The following SRPK2 variants were observed in gnomAD, a reference collection of about 807,000 sequenced individuals.
The protein encoded by SRPK2 is SFRS protein kinase 2.
A neutral mutation model predicts 90.8 loss-of-function variants in SRPK2; 21 were observed. That is an observed-to-expected ratio of 0.23 (90% CI 0.16 to 0.33). SRPK2 has a LOEUF of 0.33. Among genes scored for constraint, SRPK2 ranks in the 10% least tolerant of loss-of-function variants. The probability of loss-of-function intolerance (pLI) is 1.00; values close to 1 mark genes in which losing one functional copy is unlikely to be tolerated. For synonymous variants in SRPK2, 288 were observed against 311.1 expected, an observed-to-expected ratio of 0.93 and a Z score of 0.78; for missense variants, 620 against 869.0, an observed-to-expected ratio of 0.71 and a Z score of 3.60.
At chr7:105,344,296 T>A (rs1038346357) in intron 2 of SRPK2, among the ~76,000 whole-genome samples, 1 of 151,766 alleles carries the variant, frequency 6.6e-6, no homozygotes, top group Non-Finnish European at 1.5e-5. Flanking sequence ...ACATAGAATT[T>A]TTTTTTTCTT....
intron 2 of SRPK2, among the ~76,000 whole-genome samples, chr7:105,221,741 CT>C (rs1795100483): frequency 6.6e-6 from 1 of 152,162 alleles, no homozygotes; most frequent in Non-Finnish European, 1.5e-5. Flanking sequence ...ACCCATCTTC[CT>C]TTTTAACAGA....
chr7:105,204,526 T>C lies in SRPK2; in HGVS notation c.72-741A>G, dbSNP rs1209926730. 1.3e-5 allele frequency: 5 copies of C among 394,292 alleles called. No individual in the cohort carries two copies. In the Middle Eastern group the frequency reaches 1.4e-3, roughly 113 times the overall value. The allele number at this position is 394,292 out of a possible 1,614,324, so 24.4% of individuals were successfully genotyped here. A position where few individuals can be genotyped will look rare whatever the true frequency, so the allele number is the denominator to read the frequency against. On this transcript the variant is annotated intron_variant, in intron 2 of 15. Transcript: ENST00000393651. ...GGGAAATAGGACCCTACAGTCTCAA[T>C]CTGGATGCCGGAAGCACATCTCTCC...
At chr7:105,176,573 G>C (rs1326472179) in intron 3 of SRPK2, among the ~76,000 whole-genome samples, 1 of 129,028 alleles carries the variant, frequency 7.8e-6, no homozygotes, top group Non-Finnish European at 1.7e-5. Flanking sequence ...GTGTGTGTGT[G>C]TGTGTGTATG....
chr7:105,218,634 T>C (rs1448298878), intron 2 of SRPK2, among the ~76,000 whole-genome samples: 2 of 152,228 alleles, frequency 1.3e-5, no homozygotes, highest in Admixed American at 6.5e-5. Context: ...TAAATGATGT[T>C]TCCTAAGAAG....
intron 2 of SRPK2, among the ~76,000 whole-genome samples, chr7:105,227,562 G>C (rs1798862955): frequency 6.6e-6 from 1 of 150,766 alleles, no homozygotes; most frequent in Non-Finnish European, 1.5e-5. Context: ...ATAACTACAA[G>C]TAAAAGGATG....
At chr7:105,297,389 A>ACGT (rs1809962192) in intron 2 of SRPK2, 5 of 861,214 alleles carry the variant, frequency 5.8e-6, no homozygotes, top group Non-Finnish European at 7.0e-6. Flanking sequence ...TACAGCTATC[A>ACGT]CGTTTTCACT....
chr7:105,202,474 C>T (rs1348882748), intron 3 of SRPK2, among the ~76,000 whole-genome samples: 1 of 152,134 alleles, frequency 6.6e-6, no homozygotes, highest in Non-Finnish European at 1.5e-5. Flanking sequence ...AATTAATGTC[C>T]AAATCAGTAA....
In SRPK2 at chr7:105,200,831, T is replaced by C. The variant is rs1398371803; in HGVS notation, c.229+2797A>G. ...GAGAACTGTTCCAAATTAAAAGAAATTACAAAAACAAGAAAACAGAATATG... is the reference window on the plus strand; with the variant it reads ...GAGAACTGTTCCAAATTAAAAGAAACTACAAAAACAAGAAAACAGAATATG... On this transcript the variant is annotated intron_variant, in intron 3 of 15. Transcript: ENST00000393651. Among the ~76,000 whole-genome samples the C allele has an allele frequency of 2.0e-5, 3 of 152,098 alleles. No homozygotes were observed. In the East Asian group the frequency reaches 5.8e-4, roughly 29 times the overall value.
chr7:105,151,979 G>A (rs1397683406), intron 7 of SRPK2, among the ~76,000 whole-genome samples: 4 of 148,400 alleles, frequency 2.7e-5, no homozygotes, highest in African/African-American at 5.0e-5. Context: ...AGCTGAGATC[G>A]TGTCACCACA....
intron 7 of SRPK2, 98 bp from the exon 8 acceptor site, chr7:105,146,756 A>C: frequency 8.0e-7 from 1 of 1,257,522 alleles, no homozygotes; most frequent in Non-Finnish European, 1.1e-6. Flanking sequence ...CCAGGGTACA[A>C]AGTTTGATAA....
At chr7:105,273,241 C>T (rs1806071238) in intron 2 of SRPK2, among the ~76,000 whole-genome samples, 1 of 151,112 alleles carries the variant, frequency 6.6e-6, no homozygotes, top group Non-Finnish European at 1.5e-5. Context: ...AAAGAATTAT[C>T]TTTCCCTCCA....
chr7:105,291,236 G>T (rs559972667), intron 2 of SRPK2, among the ~76,000 whole-genome samples: 3 of 152,222 alleles, frequency 2.0e-5, no homozygotes, highest in Admixed American at 6.5e-5. Flanking sequence ...CACTTTCTGG[G>T]CCATACAAAG....
chr7:105,212,890 T>A (rs537480649), intron 2 of SRPK2, among the ~76,000 whole-genome samples: 1 of 152,296 alleles, frequency 6.6e-6, no homozygotes, highest in South Asian at 2.1e-4. Flanking sequence ...GTACTGAACA[T>A]GTACAGACTC....
chr7:105,292,779 C>T (rs894215808), intron 2 of SRPK2, among the ~76,000 whole-genome samples: 24 of 152,162 alleles, frequency 1.6e-4, no homozygotes, highest in African/African-American at 5.3e-4. Flanking sequence ...ATGGTAGTTT[C>T]CCACACTGTT....
At chr7:105,249,885 T>C (rs915548482) in intron 2 of SRPK2, among the ~76,000 whole-genome samples, 3 of 152,262 alleles carry the variant, frequency 2.0e-5, no homozygotes, top group Admixed American at 6.5e-5. Flanking sequence ...AATGTGGAGA[T>C]TCCTCCTAAT....
intron 2 of SRPK2, among the ~76,000 whole-genome samples, chr7:105,368,276 A>G (rs1819305834): frequency 1.3e-5 from 2 of 152,190 alleles, no homozygotes; most frequent in Admixed American, 6.5e-5. Context: ...GATTTTCTAT[A>G]TAAAGCATCT....
chr7:105,160,420 T>C (rs1807440769), intron 7 of SRPK2, 87 bp downstream of exon 7: 6 of 721,916 alleles, frequency 8.3e-6, no homozygotes, highest in Non-Finnish European at 1.5e-5. Context: ...ACATATGTAA[T>C]ACATATACAT....
chr7:105,142,626 G>C (rs1490457650), intron 10 of SRPK2, 136 bp from the exon 11 acceptor site: 1 of 1,212,116 alleles, frequency 8.3e-7, no homozygotes, highest in Non-Finnish European at 1.1e-6. Flanking sequence ...TGGCTTTTGG[G>C]GTAAAACCTT....
At chr7:105,169,331 T>C in intron 3 of SRPK2, 66 bp from the exon 4 acceptor site, 1 of 1,219,738 alleles carries the variant, frequency 8.2e-7, no homozygotes, top group Non-Finnish European at 1.2e-6. Flanking sequence ...ACATTTCATC[T>C]CTTTTGTCAT....
Sources: allele counts gnomAD v4.1 joint callset (sites outside exome capture counted in the v4.1 genomes callset), GRCh38; gene constraint gnomAD v4.1.1; transcripts MANE v1.5; gene names NCBI Gene and HGNC (gene_info 2026-07-23, HGNC 2026-07-21).